PRRC2C: variants seen among roughly 807,000 people sequenced by gnomAD.
PRRC2C encodes proline rich coiled-coil 2C.
A neutral mutation model predicts 317.2 loss-of-function variants in PRRC2C; 72 were observed. The observed-to-expected ratio is 0.23, with a 90% confidence interval of 0.19 to 0.28. The LOEUF (loss-of-function observed/expected upper bound fraction) is 0.28. PRRC2C is among the 10% of genes least tolerant of loss of function. The probability of loss-of-function intolerance (pLI) is 1.00; values close to 1 mark genes in which losing one functional copy is unlikely to be tolerated. For synonymous variants in PRRC2C, 1,296 were observed against 1,205.9 expected (o/e 1.07, Z -1.55); for missense variants, 3,074 against 3,459.7 (o/e 0.89, Z 2.80).
chr1:171,513,770 G>A (rs1233261786), intron 3 of PRRC2C, among the ~76,000 whole-genome samples: 1 of 152,114 alleles, frequency 6.6e-6, no homozygotes, highest in African/African-American at 2.4e-5. Flanking sequence ...GATACTTGAT[G>A]TTTTCTTGCC....
intron 11 of PRRC2C, among the ~76,000 whole-genome samples, chr1:171,530,771 G>A (rs1236560174): frequency 1.3e-5 from 2 of 152,168 alleles, no homozygotes; most frequent in African/African-American, 4.8e-5. Context: ...TGGCAAGGAT[G>A]TATAGAGCAG....
intron 17 of PRRC2C, among the ~76,000 whole-genome samples, chr1:171,547,010 T>C (rs1375017280): frequency 6.6e-6 from 1 of 152,030 alleles, no homozygotes; most frequent in Non-Finnish European, 1.5e-5. Context: ...GCGGATCACC[T>C]GAGGTTGGGA....
chr1:171,501,002 A>C (rs908598632), intron 1 of PRRC2C, among the ~76,000 whole-genome samples: 2 of 152,184 alleles, frequency 1.3e-5, no homozygotes. Flanking sequence ...GTGCTCCAGC[A>C]GTCCTCCCAC....
At chr1:171,525,401 A>G (rs751692979) in intron 10 of PRRC2C, among the ~76,000 whole-genome samples, 1 of 152,212 alleles carries the variant, frequency 6.6e-6, no homozygotes, top group Non-Finnish European at 1.5e-5. Context: ...GAACATTGTG[A>G]ATGAAGGGAA....
chr1:171,489,616 T>C (rs527576661), intron 1 of PRRC2C, among the ~76,000 whole-genome samples: 11 of 152,256 alleles, frequency 7.2e-5, no homozygotes, highest in Admixed American at 4.6e-4. Flanking sequence ...GCACTTACTA[T>C]GCCATGTTAC....
intron 20 of PRRC2C, 61 bp downstream of exon 20, chr1:171,561,164 C>T (rs1017448462): frequency 3.2e-5 from 47 of 1,449,428 alleles, no homozygotes; most frequent in Non-Finnish European, 4.0e-5. Context: ...TCAGTGTGGC[C>T]GGGTGTGGTG....
chr1:171,552,747 T>G (rs758340289), intron 18 of PRRC2C, among the ~76,000 whole-genome samples: 1 of 152,170 alleles, frequency 6.6e-6, no homozygotes, highest in Non-Finnish European at 1.5e-5. Flanking sequence ...TTGGTTCTGT[T>G]TATGTGATGG....
chr1:171,577,543 T>G lies in PRRC2C; in HGVS notation c.7065T>G (p.Pro2355=). 6.2e-7 allele frequency: 1 copy of G among 1,613,572 alleles called. No individual in the cohort carries two copies. Among genetic ancestry groups the G allele is most frequent in the Non-Finnish European group, 8.5e-7 (1 of 1,179,540 alleles). Residue 2355 remains proline (P), a synonymous_variant, in exon 26 of 35, where the codon CCT becomes CCG. Coordinates refer to ENST00000647382, the MANE Select transcript of PRRC2C (RefSeq NM_001387844.1). ...AGCAGTTACAGACAAGCAGCCTGCC[T>G]TCTGCAAGTCATTTTTCACAGTTAA... The part of the protein sequence containing the change: ...KPQQLQTSSL[P]SASHFSQLSC...
At chr1:171,531,030 A>G (rs1227947736) in intron 11 of PRRC2C, among the ~76,000 whole-genome samples, 1 of 152,204 alleles carries the variant, frequency 6.6e-6, no homozygotes, top group Non-Finnish European at 1.5e-5. Flanking sequence ...CCACAATGGA[A>G]TACTATCCAG....
chr1:171,517,492 C>T, intron 5 of PRRC2C, 99 bp from the exon 6 acceptor site: 2 of 1,106,308 alleles, frequency 1.8e-6, no homozygotes, highest in Non-Finnish European at 2.6e-6. Context: ...CTCTTTCACT[C>T]TGCTTACTTG....
chr1:171,493,189 T>G (rs1433263761), intron 1 of PRRC2C, among the ~76,000 whole-genome samples: 1 of 152,176 alleles, frequency 6.6e-6, no homozygotes, highest in Non-Finnish European at 1.5e-5. Flanking sequence ...TCTCTACACT[T>G]AATAAATTTA....
intron 31 of PRRC2C, 37 bp downstream of exon 31, chr1:171,587,258 T>C: frequency 6.6e-7 from 1 of 1,526,428 alleles, no homozygotes; most frequent in Non-Finnish European, 8.9e-7. Context: ...TATTTGAGAA[T>C]TTAAGGTAGT....
At chr1:171,504,169 T>A (rs1246471220) in intron 1 of PRRC2C, among the ~76,000 whole-genome samples, 1 of 152,248 alleles carries the variant, frequency 6.6e-6, no homozygotes, top group East Asian at 1.9e-4. Context: ...TTGGTTGTTA[T>A]GAGAGTTTTG....
At chr1:171,526,805 CTTTTT>C (rs938229816) in intron 10 of PRRC2C, among the ~76,000 whole-genome samples, 25 of 90,208 alleles carry the variant, frequency 2.8e-4, no homozygotes, top group African/African-American at 1.1e-3. Context: ...AGAAATATAT[CTTTTT>C]TTTTTTTTTT....
chr1:171,535,988 G>T, intron 13 of PRRC2C, 41 bp from the exon 14 acceptor site: 1 of 1,548,226 alleles, frequency 6.5e-7, no homozygotes, highest in Middle Eastern at 1.7e-4. Flanking sequence ...AATTTGTCAT[G>T]TGGAACTAAA....
chr1:171,579,613 T>C, intron 27 of PRRC2C, 147 bp downstream of exon 27: 2 of 1,410,006 alleles, frequency 1.4e-6, no homozygotes, highest in Non-Finnish European at 1.8e-6. Flanking sequence ...TTAAAATTTT[T>C]CCCAAATTTA....
intron 23 of PRRC2C, among the ~76,000 whole-genome samples, chr1:171,570,620 G>C (rs558865410): frequency 1.3e-5 from 2 of 152,284 alleles, no homozygotes; most frequent in South Asian, 4.1e-4. Flanking sequence ...CCAAGATCCA[G>C]AGATAAAGGC....
intron 24 of PRRC2C, among the ~76,000 whole-genome samples, chr1:171,571,682 A>G (rs1684800472): frequency 6.6e-6 from 1 of 152,146 alleles, no homozygotes; most frequent in Non-Finnish European, 1.5e-5. Flanking sequence ...GTATTTTTCC[A>G]TGTTTGTGTT....
At chr1:171,517,566 C>G (rs765590110) in intron 5 of PRRC2C, 25 bp from the exon 6 acceptor site, 1 of 1,581,000 alleles carries the variant, frequency 6.3e-7, no homozygotes, top group East Asian at 2.3e-5. Context: ...TTATCTTTTT[C>G]CTTTTTTCTC....
Sources: allele counts gnomAD v4.1 joint callset (sites outside exome capture counted in the v4.1 genomes callset), GRCh38; gene constraint gnomAD v4.1.1; transcripts MANE v1.5; gene names NCBI Gene and HGNC (gene_info 2026-07-23, HGNC 2026-07-21).